Variants in PPP1R7 observed in about 807,000 individuals in gnomAD.
PPP1R7 encodes protein phosphatase 1 regulatory subunit 22.
PPP1R7 carries 18 observed loss-of-function variants against 45.2 expected under a neutral mutation model. The ratio of observed to expected loss-of-function variants is 0.40; its 90% CI spans 0.28 to 0.59. PPP1R7 has a LOEUF of 0.59. Ranked by LOEUF, PPP1R7 falls within the 20% of genes least tolerant of loss-of-function variation. The pLI, the probability that PPP1R7 is intolerant of heterozygous loss-of-function variation, is 0.46. For missense variants in PPP1R7, 314 were observed against 455.8 expected (o/e 0.69, Z 2.83); for synonymous variants, 181 against 183.4 (o/e 0.99, Z 0.11).
Position 241,182,867 on chromosome 2 carries a change from G to T in PPP1R7, c.*44G>T. ...TGTGGTCCCTCTCCTCGGAAGAACT[G>T]CCCAGCCACGGGTTTTTAACCCACC... On this transcript the variant is annotated 3_prime_UTR_variant, in exon 10 of 10. Transcript: ENST00000234038. 1.3e-6 allele frequency: 2 copies of T among 1,583,930 alleles called. No individual in the cohort carries two copies. The highest frequency in any genetic ancestry group is 1.7e-6 in the Non-Finnish European group (2 of 1,158,622).
In PPP1R7 at chr2:241,154,223, C is replaced by A. The variant is rs767541491; in HGVS notation, c.181+619C>A. Among the ~76,000 whole-genome samples, 4 of 148,436 alleles carry A rather than the reference C, an allele frequency of 2.7e-5. No individual in the cohort carries two copies. In the Middle Eastern group the frequency reaches 0.01, roughly 389 times the overall value. On this transcript the variant is annotated intron_variant, in intron 2 of 9. Transcript: ENST00000234038. ...AAAAAAAGGAAAAAGAAAAGAACCG[C>A]AATATTGTTATATTAACCATATGTT...
At chr2:241,158,878 A>G (rs985033669) in intron 4 of PPP1R7, 1 of 414,716 alleles carries the variant, frequency 2.4e-6, no homozygotes, top group African/African-American at 2.0e-5. Flanking sequence ...GAATTTGTCA[A>G]AATTGAGCCC....
chr2:241,172,826 T>C (rs1294961379), intron 9 of PPP1R7, among the ~76,000 whole-genome samples: 1 of 152,120 alleles, frequency 6.6e-6, no homozygotes, highest in Non-Finnish European at 1.5e-5. Context: ...GTTTGAAAAA[T>C]CTATTTAATT....
intron 7 of PPP1R7, 148 bp downstream of exon 7, chr2:241,163,549 CTT>C: frequency 1.6e-6 from 1 of 620,472 alleles, no homozygotes; most frequent in South Asian, 2.1e-5. Flanking sequence ...ATGCCATAGA[CTT>C]TATACACACA....
chr2:241,165,052 AAAAG>A (rs1470293156), intron 7 of PPP1R7, among the ~76,000 whole-genome samples: 14 of 152,242 alleles, frequency 9.2e-5, no homozygotes, highest in Admixed American at 2.0e-4. Context: ...CATCTCAAAA[AAAAG>A]AAAGAAAGAA....
intron 8 of PPP1R7, among the ~76,000 whole-genome samples, chr2:241,168,031 G>A (rs754112240): frequency 7.2e-5 from 11 of 152,170 alleles, no homozygotes; most frequent in Non-Finnish European, 1.3e-4. Context: ...GGGCTCTCCC[G>A]TTGGTCTAGA....
intron 3 of PPP1R7, 30 bp from the exon 4 acceptor site, chr2:241,158,454 A>G (rs751234412): frequency 4.7e-5 from 76 of 1,610,414 alleles, no homozygotes; most frequent in Admixed American, 1.8e-4. Flanking sequence ...ACTTTGCTAT[A>G]GCTGAGTATA....
chr2:241,164,949 G>GAGGC (rs2067672738), intron 7 of PPP1R7, among the ~76,000 whole-genome samples: 1 of 152,060 alleles, frequency 6.6e-6, no homozygotes, highest in African/African-American at 2.4e-5. Context: ...TCAAGAGGAT[G>GAGGC]AGGCAGGAGA....
chr2:241,174,199 T>C (rs1382307602), intron 9 of PPP1R7, among the ~76,000 whole-genome samples: 2 of 152,136 alleles, frequency 1.3e-5, no homozygotes, highest in African/African-American at 2.4e-5. Flanking sequence ...GTTTTGAAGC[T>C]GTGGCCCTCC....
Position 241,182,643 on chromosome 2 carries a change from C to T in PPP1R7, c.907-4C>T, listed in dbSNP as rs1178084361. ...AAAGGCTTTTCTGCTGTGTGTGTCC[C>T]CAGATGAACGACAATCTCCTTGAGA... On this transcript the variant is annotated splice_polypyrimidine_tract_variant and splice_region_variant and intron_variant, in intron 9 of 9. Transcript: ENST00000234038. 4 of 1,614,060 alleles carry T rather than the reference C, an allele frequency of 2.5e-6. No individual in the cohort carries two copies. The highest frequency in any genetic ancestry group is 2.7e-5 in the African/African-American group (2 of 75,028).
At chr2:241,172,011 T>A (rs1343693747) in intron 9 of PPP1R7, among the ~76,000 whole-genome samples, 1 of 152,196 alleles carries the variant, frequency 6.6e-6, no homozygotes, top group Non-Finnish European at 1.5e-5. Context: ...TTAAGTGGTG[T>A]CTTTAGACTG....
At chr2:241,168,011 C>T (rs1381737041) in intron 8 of PPP1R7, among the ~76,000 whole-genome samples, 2 of 152,240 alleles carry the variant, frequency 1.3e-5, no homozygotes, top group Admixed American at 6.5e-5. Flanking sequence ...TTCGTGTCTT[C>T]TCCAGCTCTG....
chr2:241,149,719 C>T (rs746301259), upstream of PPP1R7: 11 of 1,549,910 alleles, frequency 7.1e-6, no homozygotes, highest in South Asian at 1.3e-4. Context: ...GTGAGTAGCG[C>T]AGAGCTCGCC....
Position 241,150,554 on chromosome 2 carries a change from G to T in PPP1R7, c.52+7G>T. ...TCGCAGGAGATGATGGAGGGTGAGC[G>T]GCCCCTGCGGGCGGCGGCCCAAGGG... On this transcript the variant is annotated splice_region_variant and intron_variant, in intron 1 of 9. Transcript: ENST00000234038. 2 of 1,589,068 alleles carry T rather than the reference G, an allele frequency of 1.3e-6. No homozygotes were observed. The highest frequency in any genetic ancestry group is 2.3e-5 in the South Asian group (2 of 88,100).
chr2:241,159,147 A>T, intron 4 of PPP1R7, 66 bp from the exon 5 acceptor site: 1 of 1,551,210 alleles, frequency 6.4e-7, no homozygotes, highest in Non-Finnish European at 8.8e-7. Context: ...GTCCTCCAGT[A>T]TCAGCTGAGG....
chr2:241,176,920 G>A (rs1419083730), intron 9 of PPP1R7, among the ~76,000 whole-genome samples: 1 of 152,180 alleles, frequency 6.6e-6, no homozygotes, highest in Admixed American at 6.6e-5. Context: ...TTTCTGTAGG[G>A]CATTTAGAGC....
In PPP1R7 at chr2:241,153,407, G is replaced by T. The variant is rs2067367182; in HGVS notation, c.53-69G>T. 10 of 1,583,378 alleles carry T rather than the reference G, an allele frequency of 6.3e-6. No individual in the cohort carries two copies. In the South Asian group the frequency reaches 1.0e-4, roughly 16 times the overall value. The stretch of plus-strand genomic sequence containing the variant: ...TGAAATCCTTTTGACTTACAACCGG[G>T]TGTTTATTATATGTTCCTCAAAGTC... On this transcript the variant is annotated intron_variant, in intron 1 of 9. Coordinates refer to ENST00000234038, the MANE Select transcript of PPP1R7 (RefSeq NM_002712.3).
rs1262739904 is a variant in PPP1R7, at chr2:241,150,547, G to A, written c.52G>A (p.Val18Ile). ...GQQQSQEMME[V>I]DRRVESEESG... ...GCAACAGTCGCAGGAGATGATGGAG[G>A]GTGAGCGGCCCCTGCGGGCGGCGGC... Residue 18 changes from valine to isoleucine, a missense_variant and splice_region_variant, in exon 1 of 10, where the codon GTT (valine) becomes ATT (isoleucine). Val to Ile is a conservative substitution (Grantham distance 29). Coordinates refer to ENST00000234038, the MANE Select transcript of PPP1R7 (RefSeq NM_002712.3). The A allele has an allele frequency of 1.9e-6, 3 of 1,593,918 alleles. No individual in the cohort carries two copies. Among genetic ancestry groups the A allele is most frequent in the Non-Finnish European group, 2.6e-6 (3 of 1,172,180 alleles).
At chr2:241,158,403 C>T (rs2067508839) in intron 3 of PPP1R7, 81 bp from the exon 4 acceptor site, 1 of 1,415,794 alleles carries the variant, frequency 7.1e-7, no homozygotes, top group Non-Finnish European at 1.0e-6. Flanking sequence ...CTGCTGCCCA[C>T]TTCCAGGCCG....
Sources: allele counts gnomAD v4.1 joint callset (sites outside exome capture counted in the v4.1 genomes callset), GRCh38; gene constraint gnomAD v4.1.1; transcripts MANE v1.5; gene names NCBI Gene and HGNC (gene_info 2026-07-23, HGNC 2026-07-21).